SERGEF: variants seen among roughly 807,000 people sequenced by gnomAD.
The protein encoded by SERGEF is secretion-regulating guanine nucleotide exchange factor.
A neutral mutation model predicts 50.0 loss-of-function variants in SERGEF; 51 were observed. That is an observed-to-expected ratio of 1.02 (90% CI 0.81 to 1.29). SERGEF has a LOEUF of 1.29. SERGEF is among the 50% of genes most tolerant of loss of function. SERGEF has a pLI of 0.00. For synonymous variants in SERGEF, 205 were observed against 212.4 expected, an observed-to-expected ratio of 0.97 and a Z score of 0.30; for missense variants, 521 against 557.0, an observed-to-expected ratio of 0.94 and a Z score of 0.65.
At chr11:17,946,605 A>T (rs1344850551) in intron 9 of SERGEF, among the ~76,000 whole-genome samples, 2 of 152,204 alleles carry the variant, frequency 1.3e-5, no homozygotes, top group African/African-American at 4.8e-5. Flanking sequence ...TAAATGCATT[A>T]TACAGCAGTA....
rs551426834 is a variant in SERGEF, at chr11:17,917,676, C to A, written c.1012-39432G>T. 2.0e-5 allele frequency among the ~76,000 whole-genome samples: 3 copies of A among 152,346 alleles called. No individual in the cohort carries two copies. The South Asian group carries it at 6.2e-4, about 32-fold the overall frequency. On this transcript the variant is annotated intron_variant, in intron 9 of 10. Coordinates refer to ENST00000265965, the MANE Select transcript of SERGEF (RefSeq NM_012139.4). ...AAGCCCAGAAATTCATTTCAGCAAGCTTTCCAGGTGATTCAGAAACAGGCT... is the reference window on the plus strand; with the variant it reads ...AAGCCCAGAAATTCATTTCAGCAAGATTTCCAGGTGATTCAGAAACAGGCT...
intron 9 of SERGEF, among the ~76,000 whole-genome samples, chr11:17,951,097 G>GA (rs1020265777): frequency 3.3e-5 from 5 of 152,182 alleles, no homozygotes; most frequent in Non-Finnish European, 7.3e-5. Context: ...CTAGTTCTAA[G>GA]AAGTGTTTAC....
chr11:18,005,106 A>ACT (rs1179667790), intron 3 of SERGEF, among the ~76,000 whole-genome samples: 7 of 152,340 alleles, frequency 4.6e-5, no homozygotes, highest in African/African-American at 1.7e-4. Flanking sequence ...CCTCCAATTT[A>ACT]GCCTTTACCA....
At chr11:17,858,417 G>A (rs1021848200) in intron 10 of SERGEF, among the ~76,000 whole-genome samples, 5 of 152,122 alleles carry the variant, frequency 3.3e-5, no homozygotes, top group Non-Finnish European at 5.9e-5. Context: ...CCGGCATCCT[G>A]CTCCAGAAAG....
chr11:18,004,302 G>A, intron 4 of SERGEF, 139 bp downstream of exon 4: 2 of 552,624 alleles, frequency 3.6e-6, no homozygotes, highest in Non-Finnish European at 6.3e-6. Context: ...TTCCCAGAAG[G>A]ACCTATTTTT....
At chr11:17,795,258 A>G (rs1849554284) in intron 10 of SERGEF, among the ~76,000 whole-genome samples, 1 of 152,188 alleles carries the variant, frequency 6.6e-6, no homozygotes. Flanking sequence ...ACCCAAGCTC[A>G]TAGGGATCCC....
chr11:17,934,820 C>G lies in SERGEF; in HGVS notation c.1011+24650G>C, dbSNP rs534867568. ...GAAATTATTTGAAGAAAGAAAACTT[C>G]ATCTACAATTCCACCACCTAATACC... On this transcript the variant is annotated intron_variant, in intron 9 of 10. Coordinates refer to ENST00000265965, the MANE Select transcript of SERGEF (RefSeq NM_012139.4). 4.6e-5 allele frequency among the ~76,000 whole-genome samples: 7 copies of G among 152,300 alleles called. No homozygotes were observed. The East Asian group carries it at 1.3e-3, about 29-fold the overall frequency.
At chr11:17,923,601 T>G (rs1006627358) in intron 9 of SERGEF, among the ~76,000 whole-genome samples, 4 of 151,892 alleles carry the variant, frequency 2.6e-5, no homozygotes, top group Non-Finnish European at 5.9e-5. Flanking sequence ...GATTCCAGAC[T>G]CACTGGGAAG....
At chr11:17,865,546 T>C (rs1400101473) in intron 10 of SERGEF, among the ~76,000 whole-genome samples, 1 of 152,138 alleles carries the variant, frequency 6.6e-6, no homozygotes, top group Non-Finnish European at 1.5e-5. Context: ...AAGACAGTGA[T>C]ATTGATAATT....
chr11:17,999,478 T>C (rs569526827), intron 5 of SERGEF: 84 of 433,422 alleles, frequency 1.9e-4, no homozygotes, highest in African/African-American at 1.3e-3. Flanking sequence ...CAGTCCTGCA[T>C]TGAGCTCTTC....
chr11:17,875,976 G>A (rs571167939), intron 10 of SERGEF, among the ~76,000 whole-genome samples: 6 of 152,342 alleles, frequency 3.9e-5, no homozygotes, highest in African/African-American at 1.4e-4. Flanking sequence ...TCAACCCCAT[G>A]AGAAACATGG....
intron 10 of SERGEF, among the ~76,000 whole-genome samples, chr11:17,844,858 T>C (rs1026336165): frequency 2.7e-5 from 4 of 150,820 alleles, no homozygotes; most frequent in African/African-American, 9.8e-5. Flanking sequence ...GAAGAAGAAT[T>C]GGGCCACACA....
At chr11:17,882,245 G>A (rs751148610) in intron 9 of SERGEF, among the ~76,000 whole-genome samples, 22 of 152,022 alleles carry the variant, frequency 1.4e-4, no homozygotes, top group Admixed American at 7.2e-4. Flanking sequence ...GTGAAACCCC[G>A]TCTCTACTAA....
intron 10 of SERGEF, among the ~76,000 whole-genome samples, chr11:17,793,797 C>A (rs1020306584): frequency 2.6e-5 from 4 of 152,216 alleles, no homozygotes; most frequent in Non-Finnish European, 5.9e-5. Flanking sequence ...ATTCCCTAGG[C>A]CCTTGGAGTT....
chr11:17,793,686 T>C (rs2283251), intron 10 of SERGEF, among the ~76,000 whole-genome samples: 84,729 of 152,130 alleles, frequency 0.56, 24,025 homozygotes, highest in East Asian at 0.73. Context: ...TTGTCAGGTC[T>C]TCGAAGACAC....
intron 8 of SERGEF, among the ~76,000 whole-genome samples, chr11:17,983,027 A>G (rs1853522605): frequency 6.6e-6 from 1 of 152,188 alleles, no homozygotes; most frequent in African/African-American, 2.4e-5. Flanking sequence ...GATTCTCTAA[A>G]ACTTCTAAGA....
At position 17,876,623 on chromosome 11, in the gene SERGEF, G is replaced by C. The variant is rs534713336; in HGVS notation, c.1048+1585C>G. 2.0e-3 allele frequency among the ~76,000 whole-genome samples: 298 copies of C among 152,358 alleles called. 1 individual carries two copies. Among genetic ancestry groups the C allele is most frequent in the Non-Finnish European group, 3.4e-3 (233 of 68,030 alleles). ...CAGTTTGAACCAAGGCTGTCTGCCT[G>C]CAGAGTCTTTGCTCCTTCTACAGCC... is the stretch of plus-strand genomic sequence containing the variant. On this transcript the variant is annotated intron_variant, in intron 10 of 10. Transcript: ENST00000265965.
intron 10 of SERGEF, among the ~76,000 whole-genome samples, chr11:17,835,482 G>A (rs1484931213): frequency 6.6e-6 from 1 of 152,212 alleles, no homozygotes; most frequent in Non-Finnish European, 1.5e-5. Flanking sequence ...GATCTGGACT[G>A]TCTCTGCTTA....
chr11:17,991,953 T>C lies in SERGEF; in HGVS notation c.685+978A>G, dbSNP rs937294551. Among the ~76,000 whole-genome samples the C allele has an allele frequency of 3.3e-5, 5 of 152,168 alleles. No homozygotes were observed. Among genetic ancestry groups the C allele is most frequent in the Non-Finnish European group, 7.4e-5 (5 of 68,012 alleles). On this transcript the variant is annotated intron_variant, in intron 7 of 10. Transcript: ENST00000265965. The surrounding 1 kb of genome is among the most constrained non-coding windows in gnomAD (Gnocchi z 4.9). Reference sequence around the variant, plus strand: ...GTGAGAGGTCTTACCAAACAAAATATTATAAATCTCTCAGATGTATAGTCT... The same window carrying C: ...GTGAGAGGTCTTACCAAACAAAATACTATAAATCTCTCAGATGTATAGTCT...
Sources: gnomAD v4.1 joint callset for allele counts (sites outside exome capture counted in the v4.1 genomes callset) on GRCh38, gnomAD v4.1.1 for gene constraint, Gnocchi (gnomAD v3.1) non-coding constraint, MANE v1.5 for transcripts, NCBI Gene and HGNC (gene_info 2026-07-23, HGNC 2026-07-21) for gene names.